PDE8B: variants seen among roughly 807,000 people sequenced by gnomAD.
The protein encoded by PDE8B is high affinity cAMP-specific and IBMX-insensitive 3',5'-cyclic phosphodiesterase 8B.
In PDE8B, 26 loss-of-function variants were observed where a neutral mutation model predicts 101.3. That is an observed-to-expected ratio of 0.26 (90% CI 0.19 to 0.36). The LOEUF (loss-of-function observed/expected upper bound fraction) is 0.36, where lower values mean the gene tolerates loss of function less well. Among genes scored for constraint, PDE8B ranks in the 10% least tolerant of loss-of-function variants. PDE8B has a pLI of 1.00. For synonymous variants in PDE8B, 424 were observed against 429.3 expected, an observed-to-expected ratio of 0.99 and a Z score of 0.15; for missense variants, 810 against 1,163.1, an observed-to-expected ratio of 0.70 and a Z score of 4.42.
intron 1 of PDE8B, chr5:77,291,568 A>G (rs1383396360): frequency 6.3e-7 from 1 of 1,599,208 alleles, no homozygotes; most frequent in Non-Finnish European, 8.6e-7. Context: ...AACTTTACCA[A>G]AGATCTGGGC....
At chr5:77,143,649 G>A in the PDE8B span, among the ~76,000 whole-genome samples, 1 of 152,080 alleles carries the variant, frequency 6.6e-6, no homozygotes, top group African/African-American at 2.4e-5. Flanking sequence ...AGAGGAGAGA[G>A]GTGTATCAGT....
At chr5:77,317,097 G>A (rs1426945021) in intron 2 of PDE8B, among the ~76,000 whole-genome samples, 1 of 152,072 alleles carries the variant, frequency 6.6e-6, no homozygotes, top group South Asian at 2.1e-4. Context: ...GGGAGAGAGA[G>A]AAGGCACCAT....
the PDE8B span, among the ~76,000 whole-genome samples, chr5:77,196,428 GT>G: frequency 6.6e-6 from 1 of 152,106 alleles, no homozygotes; most frequent in African/African-American, 2.4e-5. Flanking sequence ...GTTTTAACAT[GT>G]TTTATGGTTA....
At chr5:77,245,743 G>A (rs926153718) in intron 1 of PDE8B, among the ~76,000 whole-genome samples, 1 of 149,986 alleles carries the variant, frequency 6.7e-6, no homozygotes, top group Admixed American at 6.7e-5. Flanking sequence ...CTGAGGTTTA[G>A]TATTTACATA....
chr5:77,370,194 T>A (rs886510231), intron 10 of PDE8B, among the ~76,000 whole-genome samples: 1 of 152,216 alleles, frequency 6.6e-6, no homozygotes, highest in African/African-American at 2.4e-5. Flanking sequence ...AATGCACAAA[T>A]GGTAAGTGTA....
chr5:77,167,767 C>T, the PDE8B span, among the ~76,000 whole-genome samples: 1 of 152,284 alleles, frequency 6.6e-6, no homozygotes, highest in East Asian at 1.9e-4. Flanking sequence ...CGGATTGTGA[C>T]ATCTGCTAGG....
At chr5:77,374,195 A>G (rs1296554564) in intron 10 of PDE8B, among the ~76,000 whole-genome samples, 3 of 152,108 alleles carry the variant, frequency 2.0e-5, no homozygotes. Flanking sequence ...TAATATAGCC[A>G]TTCCAGCCTT....
chr5:77,425,686 A>C, intron 20 of PDE8B, 81 bp from the exon 21 acceptor site: 1 of 1,421,658 alleles, frequency 7.0e-7, no homozygotes, highest in Non-Finnish European at 9.9e-7. Flanking sequence ...CCATTTTCAC[A>C]GGGTTGTTCT....
intron 10 of PDE8B, among the ~76,000 whole-genome samples, chr5:77,368,476 A>C (rs1784515597): frequency 6.6e-6 from 1 of 152,136 alleles, no homozygotes; most frequent in Admixed American, 6.5e-5. Context: ...GCAATCTAGA[A>C]GTCTGGTCCC....
intron 1 of PDE8B, among the ~76,000 whole-genome samples, chr5:77,269,129 G>A (rs530104087): frequency 7.0e-4 from 107 of 151,924 alleles, no homozygotes; most frequent in Non-Finnish European, 1.2e-3. Context: ...CCACATCCTC[G>A]CCAGCATTTG....
chr5:77,120,745 G>A, the PDE8B span, among the ~76,000 whole-genome samples: 1 of 152,252 alleles, frequency 6.6e-6, no homozygotes, highest in Non-Finnish European at 1.5e-5. Context: ...AGCAACTGTT[G>A]TACAAGCCTG....
intron 3 of PDE8B, among the ~76,000 whole-genome samples, chr5:77,328,308 A>C (rs893391306): frequency 2.6e-5 from 4 of 151,176 alleles, no homozygotes; most frequent in African/African-American, 9.9e-5. Context: ...TCAAAATTCT[A>C]TGTCCTGATT....
the PDE8B span, among the ~76,000 whole-genome samples, chr5:77,132,284 C>G: frequency 6.6e-6 from 1 of 152,150 alleles, no homozygotes; most frequent in Admixed American, 6.5e-5. Flanking sequence ...CAATACATTT[C>G]CTCCATATTG....
chr5:77,375,928 T>C (rs1786031216), intron 10 of PDE8B, among the ~76,000 whole-genome samples: 1 of 133,260 alleles, frequency 7.5e-6, no homozygotes, highest in Non-Finnish European at 1.6e-5. Flanking sequence ...GTTTTGCCCT[T>C]GTTGCCCAGG....
intron 10 of PDE8B, among the ~76,000 whole-genome samples, chr5:77,391,666 C>T (rs1056639879): frequency 1.3e-5 from 2 of 152,210 alleles, no homozygotes; most frequent in African/African-American, 2.4e-5. Context: ...TATCTGGCTC[C>T]ACTCTAGACA....
intron 10 of PDE8B, 94 bp from the exon 11 acceptor site, chr5:77,400,153 TC>T (rs1791948438): frequency 2.3e-6 from 2 of 871,256 alleles, no homozygotes; most frequent in African/African-American, 3.3e-5. Flanking sequence ...CTTCAAGTCT[TC>T]AGAGCTTTTT....
chr5:77,421,041 C>G (rs1335453801), intron 19 of PDE8B, among the ~76,000 whole-genome samples: 1 of 152,174 alleles, frequency 6.6e-6, no homozygotes, highest in Admixed American at 6.5e-5. Flanking sequence ...TGGAGAATAA[C>G]AATCTTTCAG....
chr5:77,242,234 T>G (rs1755910687), intron 1 of PDE8B, among the ~76,000 whole-genome samples: 1 of 152,192 alleles, frequency 6.6e-6, no homozygotes, highest in Non-Finnish European at 1.5e-5. Context: ...CTCACTGGTA[T>G]CCCTCAGCCT....
chr5:77,251,891 C>A (rs1758137004), intron 1 of PDE8B, among the ~76,000 whole-genome samples: 1 of 152,160 alleles, frequency 6.6e-6, no homozygotes, highest in Non-Finnish European at 1.5e-5. Context: ...CTCATAGTTT[C>A]CAATTTCTTT....
Sources: allele counts gnomAD v4.1 joint callset (sites outside exome capture counted in the v4.1 genomes callset), GRCh38; gene constraint gnomAD v4.1.1; transcripts MANE v1.5; gene names NCBI Gene and HGNC (gene_info 2026-07-23, HGNC 2026-07-21).